DCC: variants seen among roughly 807,000 people sequenced by gnomAD.
DCC encodes the protein netrin receptor DCC.
DCC carries 58 observed loss-of-function variants against 172.5 expected under a neutral mutation model. That is an observed-to-expected ratio of 0.34 (90% CI 0.27 to 0.42). The LOEUF (loss-of-function observed/expected upper bound fraction) is 0.42, where lower values mean the gene tolerates loss of function less well. DCC is among the 10% of genes least tolerant of loss of function. DCC has a pLI of 1.00. For synonymous variants in DCC, 709 were observed against 644.5 expected (o/e 1.10, Z -1.52); for missense variants, 1,740 against 1,791.0 (o/e 0.97, Z 0.51).
intron 2 of DCC, among the ~76,000 whole-genome samples, chr18:52,804,637 G>A (rs1310984220): frequency 6.6e-6 from 1 of 152,142 alleles, no homozygotes; most frequent in African/African-American, 2.4e-5. Context: ...TGCGATCTCC[G>A]CTTACTGCAA....
chr18:52,880,609 G>T (rs2039470777), intron 2 of DCC, among the ~76,000 whole-genome samples: 1 of 152,248 alleles, frequency 6.6e-6, no homozygotes, highest in East Asian at 1.9e-4. Flanking sequence ...TAGAATATGT[G>T]AAGTTTGTAT....
rs374803236 is a variant in DCC, at chr18:52,846,461, G to C, written c.413-59583G>C. ...AGTCTGAGGTAGGAGGATTGCTTGA[G>C]CCAGAAGGCTGAGGCTGCAGTGAGC... On this transcript the variant is annotated intron_variant, in intron 2 of 28. Coordinates refer to ENST00000442544, the MANE Select transcript of DCC (RefSeq NM_005215.4). Among the ~76,000 whole-genome samples the C allele has an allele frequency of 6.8e-4, 103 of 152,112 alleles. No homozygotes were observed. In the South Asian group the frequency reaches 0.011, roughly 16 times the overall value.
intron 5 of DCC, among the ~76,000 whole-genome samples, chr18:53,033,917 G>A (rs887783655): frequency 6.6e-6 from 1 of 151,890 alleles, no homozygotes; most frequent in East Asian, 1.9e-4. Flanking sequence ...ACTTATTAGC[G>A]ATATTTGGCA....
chr18:53,048,060 T>C (rs2042281237), intron 5 of DCC, among the ~76,000 whole-genome samples: 1 of 152,014 alleles, frequency 6.6e-6, no homozygotes, highest in South Asian at 2.1e-4. Flanking sequence ...AAATCTTTGT[T>C]TAAATAGCCT....
chr18:53,140,082 GA>G (rs1417514140), intron 7 of DCC, among the ~76,000 whole-genome samples: 4 of 152,296 alleles, frequency 2.6e-5, no homozygotes, highest in Admixed American at 1.3e-4. Flanking sequence ...GTATGAGATA[GA>G]TATGTACCTT....
intron 1 of DCC, among the ~76,000 whole-genome samples, chr18:52,390,093 C>T (rs1055371446): frequency 4.6e-5 from 7 of 152,014 alleles, no homozygotes; most frequent in South Asian, 2.1e-4. Flanking sequence ...ATGCTTTCCC[C>T]GCCACAAACA....
chr18:52,858,121 C>G (rs1042303743), intron 2 of DCC, among the ~76,000 whole-genome samples: 1 of 152,188 alleles, frequency 6.6e-6, no homozygotes, highest in Non-Finnish European at 1.5e-5. Context: ...ATTGTCTGTT[C>G]ATGCAGTAGT....
At chr18:52,386,855 A>G (rs1438776620) in intron 1 of DCC, among the ~76,000 whole-genome samples, 1 of 152,096 alleles carries the variant, frequency 6.6e-6, no homozygotes, top group African/African-American at 2.4e-5. Flanking sequence ...ACCTTTCACC[A>G]TAAGCTCAAT....
chr18:52,787,365 A>C (rs762638582), intron 2 of DCC, among the ~76,000 whole-genome samples: 1 of 152,152 alleles, frequency 6.6e-6, no homozygotes, highest in African/African-American at 2.4e-5. Flanking sequence ...TTGAGAAGGA[A>C]CAAAGCAAGG....
At chr18:52,390,086 C>T (rs1006121238) in intron 1 of DCC, among the ~76,000 whole-genome samples, 3 of 151,906 alleles carry the variant, frequency 2.0e-5, no homozygotes, top group East Asian at 2.0e-4. Flanking sequence ...GGTTTCTATG[C>T]TTTCCCCGCC....
intron 1 of DCC, among the ~76,000 whole-genome samples, chr18:52,674,378 C>A (rs980094243): frequency 1.3e-5 from 2 of 152,120 alleles, no homozygotes; most frequent in East Asian, 1.9e-4. Flanking sequence ...GAAAATTGAA[C>A]CTTCTCCTTC....
chr18:52,964,516 GCC>G (rs2040897236), intron 5 of DCC, among the ~76,000 whole-genome samples: 1 of 151,932 alleles, frequency 6.6e-6, no homozygotes, highest in Non-Finnish European at 1.5e-5. Flanking sequence ...TGGGTTTATT[GCC>G]ATGTACGTCA....
At chr18:52,554,316 AT>A (rs2032852843) in intron 1 of DCC, among the ~76,000 whole-genome samples, 1 of 152,122 alleles carries the variant, frequency 6.6e-6, no homozygotes, top group Admixed American at 6.6e-5. Flanking sequence ...CCTGATTAAC[AT>A]TTCCATCAAC....
chr18:52,973,018 A>G (rs1054260597), intron 5 of DCC, among the ~76,000 whole-genome samples: 6 of 152,222 alleles, frequency 3.9e-5, no homozygotes, highest in African/African-American at 1.2e-4. Flanking sequence ...AACAGGAAAG[A>G]TTCAATATTC....
chr18:53,491,547 T>C (rs2045960021), intron 26 of DCC, among the ~76,000 whole-genome samples: 1 of 152,114 alleles, frequency 6.6e-6, no homozygotes, highest in Admixed American at 6.6e-5. Context: ...TGTACATGTG[T>C]CCTCATTGTT....
chr18:52,635,496 A>AT (rs2034758419), intron 1 of DCC, among the ~76,000 whole-genome samples: 2 of 152,350 alleles, frequency 1.3e-5, no homozygotes, highest in African/African-American at 4.8e-5. Context: ...TTTGAATTAC[A>AT]TGAAATTATA....
chr18:52,542,332 T>G (rs555388060), intron 1 of DCC, among the ~76,000 whole-genome samples: 80 of 152,196 alleles, frequency 5.3e-4, no homozygotes, highest in African/African-American at 1.9e-3. Flanking sequence ...ATTTTAAGGT[T>G]TGAATAAATT....
intron 1 of DCC, among the ~76,000 whole-genome samples, chr18:52,699,903 C>T (rs539576909): frequency 3.5e-4 from 53 of 152,202 alleles, no homozygotes; most frequent in African/African-American, 1.0e-3. Context: ...GTACAATGGT[C>T]TTTAGTATAT....
At chr18:52,944,302 C>CTA (rs1568202664) in intron 5 of DCC, among the ~76,000 whole-genome samples, 1 of 152,078 alleles carries the variant, frequency 6.6e-6, no homozygotes, top group Non-Finnish European at 1.5e-5. Context: ...GAGGGATTGT[C>CTA]TATACTTTGT....
Sources: gnomAD v4.1 joint callset for allele counts (sites outside exome capture counted in the v4.1 genomes callset) on GRCh38, gnomAD v4.1.1 for gene constraint, MANE v1.5 for transcripts, NCBI Gene and HGNC (gene_info 2026-07-23, HGNC 2026-07-21) for gene names.